Variants in RAP1GAP2 observed in about 807,000 individuals in gnomAD.
RAP1GAP2 encodes the protein RAP1 GTPase activating protein 2.
A neutral mutation model predicts 95.0 loss-of-function variants in RAP1GAP2; 27 were observed. The observed-to-expected ratio is 0.28, with a 90% CI of 0.21 to 0.39. The LOEUF is 0.39. Among genes scored for constraint, RAP1GAP2 ranks in the 10% least tolerant of loss-of-function variants. The pLI is 1.00. For synonymous variants in RAP1GAP2, 373 were observed against 380.9 expected (o/e 0.98, Z 0.24); for missense variants, 771 against 970.0 (o/e 0.79, Z 2.72).
chr17:2,768,752 G>A (rs1356365268), intron 1 of RAP1GAP2, among the ~76,000 whole-genome samples: 2 of 151,890 alleles, frequency 1.3e-5, no homozygotes, highest in Non-Finnish European at 2.9e-5. Flanking sequence ...TCCAGGAGGG[G>A]TTGGCCAAGG....
rs142279502 is a variant in RAP1GAP2, at chr17:3,030,329, T to G, written c.2108-593T>G. 1.4e-3 allele frequency among the ~76,000 whole-genome samples: 215 copies of G among 152,302 alleles called. 4 individuals carry two copies. Among genetic ancestry groups the G allele is most frequent in the East Asian group, 0.011 (55 of 5,182 alleles). On this transcript the variant is annotated intron_variant, in intron 22 of 24. Coordinates refer to ENST00000254695, the MANE Select transcript of RAP1GAP2 (RefSeq NM_015085.5). Reference sequence around the variant, plus strand: ...GAAGGATATTTCCTCAGTTTTCTTTTGTGCTATTCACAATGTAATCGCTGC... The same window carrying G: ...GAAGGATATTTCCTCAGTTTTCTTTGGTGCTATTCACAATGTAATCGCTGC...
chr17:3,017,991 C>A, intron 17 of RAP1GAP2, 70 bp from the exon 18 acceptor site: 2 of 1,492,754 alleles, frequency 1.3e-6, no homozygotes, highest in Non-Finnish European at 1.8e-6. Context: ...GTCTACAGAC[C>A]CCACGAGGAG....
At position 3,022,404 on chromosome 17, in the gene RAP1GAP2, G is replaced by A. The variant is rs574156753; in HGVS notation, c.1751+1809G>A. ...AGTTACCATATTACCAAGCAATTCCGCTCCTCGGTATATACCCAAGAGAGT... is the reference window on the plus strand; with the variant it reads ...AGTTACCATATTACCAAGCAATTCCACTCCTCGGTATATACCCAAGAGAGT... On this transcript the variant is annotated intron_variant, in intron 19 of 24. Transcript: ENST00000254695. Among the ~76,000 whole-genome samples the A allele has an allele frequency of 4.6e-5, 7 of 152,274 alleles. No individual in the cohort carries two copies. In the South Asian group the frequency reaches 6.2e-4, roughly 14 times the overall value.
At chr17:3,030,793 C>T in intron 22 of RAP1GAP2, 129 bp from the exon 23 acceptor site, 1 of 843,466 alleles carries the variant, frequency 1.2e-6, no homozygotes, top group Non-Finnish European at 1.9e-6. Flanking sequence ...CGGCACAGGT[C>T]AGCTAGGGTG....
chr17:2,860,182 A>G (rs770426403), intron 2 of RAP1GAP2, among the ~76,000 whole-genome samples: 13 of 151,646 alleles, frequency 8.6e-5, no homozygotes, highest in Non-Finnish European at 1.6e-4. Context: ...GAGCCGATCC[A>G]CTCCCTGGTC....
chr17:2,916,484 C>A (rs2042572707), intron 3 of RAP1GAP2, among the ~76,000 whole-genome samples: 1 of 152,220 alleles, frequency 6.6e-6, no homozygotes, highest in Non-Finnish European at 1.5e-5. Flanking sequence ...GGTCCCACAG[C>A]TGGTGAGTGG....
chr17:2,848,868 C>T (rs2071701162), intron 2 of RAP1GAP2, among the ~76,000 whole-genome samples: 2 of 152,208 alleles, frequency 1.3e-5, no homozygotes, highest in Admixed American at 1.3e-4. Flanking sequence ...TGACTTCAAT[C>T]TTTCCCTTCC....
At position 2,996,152 on chromosome 17, in the gene RAP1GAP2, C is replaced by T. The variant is rs1226402985; in HGVS notation, c.1044+686C>T. On this transcript the variant is annotated intron_variant, in intron 13 of 24. Transcript: ENST00000254695. Reference sequence around the variant, plus strand: ...GTGAGAATCCTTCCCCACCCCCAGCCTTCCTCATCTCACAGGCTCCTCTCT... The same window carrying T: ...GTGAGAATCCTTCCCCACCCCCAGCTTTCCTCATCTCACAGGCTCCTCTCT... Among the ~76,000 whole-genome samples, 6 of 152,274 alleles carry T rather than the reference C, an allele frequency of 3.9e-5. No homozygotes were observed. In the East Asian group the frequency reaches 1.2e-3, roughly 29 times the overall value.
At chr17:2,858,247 A>G (rs1375666116) in intron 2 of RAP1GAP2, among the ~76,000 whole-genome samples, 1 of 152,142 alleles carries the variant, frequency 6.6e-6, no homozygotes, top group African/African-American at 2.4e-5. Flanking sequence ...CCCATCATGG[A>G]GTTTATGAGG....
chr17:2,900,364 A>AATC lies in RAP1GAP2; in HGVS notation c.81-4902_81-4900dup, dbSNP rs562514636. 3.6e-3 allele frequency among the ~76,000 whole-genome samples: 542 copies of AATC among 151,300 alleles called. 4 individuals carry two copies. Among genetic ancestry groups the AATC allele is most frequent in the Non-Finnish European group, 6.0e-3 (406 of 67,748 alleles). ...ACCACATCAACATTTTATGAGTTAT[A>AATC]ATCATCATCATCATCATCATGGTCT... On this transcript the variant is annotated intron_variant, in intron 2 of 24. Transcript: ENST00000254695.
intron 2 of RAP1GAP2, among the ~76,000 whole-genome samples, chr17:2,899,060 C>T (rs954822924): frequency 4.0e-5 from 6 of 151,646 alleles, no homozygotes; most frequent in Non-Finnish European, 8.8e-5. Flanking sequence ...TGGAATCACA[C>T]AGCATGTGGC....
chr17:2,865,191 C>A (rs557814178), intron 2 of RAP1GAP2, among the ~76,000 whole-genome samples: 1 of 152,234 alleles, frequency 6.6e-6, no homozygotes, highest in East Asian at 1.9e-4. Context: ...GTGCTACAGT[C>A]CAATGAAGTA....
chr17:2,841,507 C>T (rs922890021), intron 2 of RAP1GAP2, among the ~76,000 whole-genome samples: 2 of 151,890 alleles, frequency 1.3e-5, no homozygotes, highest in African/African-American at 4.8e-5. Flanking sequence ...GGGGTTTCAC[C>T]TTGTTAGCCA....
chr17:2,801,960 C>G (rs1480438495), intron 2 of RAP1GAP2, among the ~76,000 whole-genome samples: 2 of 152,140 alleles, frequency 1.3e-5, no homozygotes, highest in South Asian at 2.1e-4. Flanking sequence ...AGCTGCACCC[C>G]TCCCATGAGG....
chr17:2,931,297 TG>T, intron 3 of RAP1GAP2, among the ~76,000 whole-genome samples: 1 of 151,754 alleles, frequency 6.6e-6, no homozygotes, highest in Non-Finnish European at 1.5e-5. Flanking sequence ...TGTGTGTGTG[TG>T]TGTGTGTGTG....
chr17:2,806,714 TTTATTA>T (rs1031647371), intron 2 of RAP1GAP2, among the ~76,000 whole-genome samples: 1 of 147,768 alleles, frequency 6.8e-6, no homozygotes, highest in East Asian at 2.0e-4. Context: ...ATTATTTTTA[TTTATTA>T]TTATTATTTT....
intron 3 of RAP1GAP2, among the ~76,000 whole-genome samples, chr17:2,948,900 G>T (rs2043811581): frequency 6.6e-6 from 1 of 152,190 alleles, no homozygotes; most frequent in Non-Finnish European, 1.5e-5. Context: ...CGCCTGGGCA[G>T]TGGGCTGGCA....
chr17:2,958,015 G>A (rs1302531491), intron 4 of RAP1GAP2, among the ~76,000 whole-genome samples: 1 of 152,170 alleles, frequency 6.6e-6, no homozygotes, highest in Non-Finnish European at 1.5e-5. Flanking sequence ...GAGGATAAAA[G>A]CAGAACTTCC....
chr17:3,027,180 C>T lies in RAP1GAP2; in HGVS notation c.2107+110C>T. On this transcript the variant is annotated intron_variant, in intron 22 of 24. Coordinates refer to ENST00000254695, the MANE Select transcript of RAP1GAP2 (RefSeq NM_015085.5). The surrounding 1 kb of genome is among the most constrained non-coding windows in gnomAD (Gnocchi z 5.2). ...GAACTGGCCAGTTTTCACCCCTCCT[C>T]CCAGCTGTGAGGCCCTCCGCTCTGT... 2.9e-6 allele frequency: 4 copies of T among 1,380,546 alleles called. No homozygotes were observed. The highest frequency in any genetic ancestry group is 2.9e-5 in the African/African-American group (2 of 68,836). 85.5% of individuals were successfully genotyped at this position (1,380,546 alleles called of 1,614,324 possible).
Sources: gnomAD v4.1 joint callset for allele counts (sites outside exome capture counted in the v4.1 genomes callset) on GRCh38, gnomAD v4.1.1 for gene constraint, Gnocchi (gnomAD v3.1) non-coding constraint, MANE v1.5 for transcripts, NCBI Gene and HGNC (gene_info 2026-07-23, HGNC 2026-07-21) for gene names.